UGT1A10: variants seen among roughly 807,000 people sequenced by gnomAD.
UGT1A10 encodes UDP-glucuronosyltransferase 1A10.
In UGT1A10, 49 loss-of-function variants were observed where a neutral mutation model predicts 45.8. That is an observed-to-expected ratio of 1.07 (90% confidence interval 0.85 to 1.36). UGT1A10 has a LOEUF of 1.36. UGT1A10 is among the 40% of genes most tolerant of loss of function. The pLI is 0.00. For missense variants in UGT1A10, 745 were observed against 668.6 expected (o/e 1.11, Z -1.26); for synonymous variants, 284 against 249.7 (o/e 1.14, Z -1.29).
intron 1 of UGT1A10, among the ~76,000 whole-genome samples, chr2:233,697,134 A>G (rs537171274): frequency 4.9e-4 from 74 of 151,982 alleles, no homozygotes; most frequent in Non-Finnish European, 9.4e-4. Context: ...ATTTTTCTGT[A>G]ATAGTTTGAG....
chr2:233,744,024 G>A lies in UGT1A10; in HGVS notation c.856-23010G>A, dbSNP rs532921168. The A allele has an allele frequency of 1.8e-4, 170 of 951,358 alleles. 2 individuals carry two copies. The highest frequency in any genetic ancestry group is 2.3e-4 in the Non-Finnish European group (161 of 710,466). 58.9% of individuals were successfully genotyped at this position (951,358 alleles called of 1,614,324 possible). Reference sequence around the variant, plus strand: ...GGAGACCTGGGCCGCCTGGAGAGACGCCCCTTATGACGCAGCCACATCTCA... The same window carrying A: ...GGAGACCTGGGCCGCCTGGAGAGACACCCCTTATGACGCAGCCACATCTCA... On this transcript the variant is annotated intron_variant, in intron 1 of 4. Coordinates refer to ENST00000344644, the MANE Select transcript of UGT1A10 (RefSeq NM_019075.4).
intron 1 of UGT1A10, among the ~76,000 whole-genome samples, chr2:233,700,609 TG>T (rs34100835): frequency 2.6e-5 from 4 of 152,150 alleles, no homozygotes; most frequent in Non-Finnish European, 5.9e-5. Context: ...ACTCTTTTTT[TG>T]GGGGGGTTCC....
intron 1 of UGT1A10, among the ~76,000 whole-genome samples, chr2:233,763,435 T>G (rs1698313873): frequency 6.6e-6 from 1 of 152,248 alleles, no homozygotes; most frequent in African/African-American, 2.4e-5. Flanking sequence ...GTTGCTTTAA[T>G]AAGTGCATTT....
At chr2:233,674,932 C>T (rs2074301947) in intron 1 of UGT1A10, among the ~76,000 whole-genome samples, 1 of 152,154 alleles carries the variant, frequency 6.6e-6, no homozygotes, top group Non-Finnish European at 1.5e-5. Context: ...CTGGGAAAAG[C>T]ATGCAGTTGG....
At chr2:233,679,491 C>T (rs1429641613) in intron 1 of UGT1A10, among the ~76,000 whole-genome samples, 1 of 152,174 alleles carries the variant, frequency 6.6e-6, no homozygotes, top group Non-Finnish European at 1.5e-5. Context: ...CCCTTCCTGC[C>T]TTACATTCTG....
chr2:233,729,145 G>A (rs564123639), intron 1 of UGT1A10: 2 of 1,613,490 alleles, frequency 1.2e-6, no homozygotes, highest in African/African-American at 1.3e-5. Flanking sequence ...AGGACTCCAG[G>A]TTCCCCTGCC....
chr2:233,711,262 C>T lies in UGT1A10; in HGVS notation c.856-55772C>T, dbSNP rs1462480492. 2.6e-5 allele frequency among the ~76,000 whole-genome samples: 4 copies of T among 152,312 alleles called. No individual in the cohort carries two copies. The East Asian group carries it at 7.7e-4, about 29-fold the overall frequency. On this transcript the variant is annotated intron_variant, in intron 1 of 4. Coordinates refer to ENST00000344644, the MANE Select transcript of UGT1A10 (RefSeq NM_019075.4). ...CCATCTTCCAAGATACATGGGCCTC[C>T]CCAGGGTCTAGGAGTCCTAGACGTG... is the stretch of plus-strand genomic sequence containing the variant.
chr2:233,718,869 C>T (rs1369983099), intron 1 of UGT1A10: 2 of 1,613,908 alleles, frequency 1.2e-6, no homozygotes, highest in Non-Finnish European at 1.7e-6. Flanking sequence ...CACAGGACTG[C>T]TGCTCCTCCT....
chr2:233,729,554 C>G, intron 1 of UGT1A10: 1 of 1,614,178 alleles, frequency 6.2e-7, no homozygotes, highest in Non-Finnish European at 8.5e-7. Flanking sequence ...CACCTGAATG[C>G]TACTTCCTTT....
chr2:233,672,003 C>T lies in UGT1A10; in HGVS notation c.855+34626C>T, dbSNP rs138685396. The stretch of plus-strand genomic sequence containing the variant: ...GTCTGCTGCTGACCTGTGGCTTTGC[C>T]GAGGCAGGGAAGCTACTGGTAGTGC... On this transcript the variant is annotated intron_variant, in intron 1 of 4. Transcript: ENST00000344644. 2.4e-5 allele frequency: 39 copies of T among 1,614,064 alleles called. 1 individual carries two copies. Among genetic ancestry groups the T allele is most frequent in the South Asian group, 1.6e-4 (15 of 91,070 alleles).
intron 1 of UGT1A10, among the ~76,000 whole-genome samples, chr2:233,748,877 G>T (rs1694052195): frequency 6.6e-6 from 1 of 151,560 alleles, no homozygotes; most frequent in Admixed American, 6.6e-5. Flanking sequence ...GGACGGTGAT[G>T]AATGGACATG....
At chr2:233,722,528 A>G (rs2077020073) in intron 1 of UGT1A10, among the ~76,000 whole-genome samples, 1 of 152,150 alleles carries the variant, frequency 6.6e-6, no homozygotes, top group African/African-American at 2.4e-5. Context: ...TTTTGCCTTA[A>G]TGATTTCATC....
intron 1 of UGT1A10, chr2:233,672,670 A>G (rs918629819): frequency 6.2e-7 from 1 of 1,613,922 alleles, no homozygotes; most frequent in Admixed American, 1.7e-5. Flanking sequence ...TGATCTCTAC[A>G]GCCACACATC....
At chr2:233,682,259 C>T (rs201200762) in intron 1 of UGT1A10, 3 of 1,614,054 alleles carry the variant, frequency 1.9e-6, no homozygotes, top group African/African-American at 1.3e-5. Context: ...TGCATTTTCT[C>T]TATTAACAAG....
Position 233,773,005 on chromosome 2 carries a change from C to A in UGT1A10, c.*446C>A. ...GTCAGTCCTCATCTCTGTCGTGCTT[C>A]ATAGGTGCCACCTTGTGTGTTTAAA... On this transcript the variant is annotated 3_prime_UTR_variant, in exon 5 of 5. Transcript: ENST00000344644. 4.6e-6 allele frequency: 1 copy of A among 219,060 alleles called. No individual in the cohort carries two copies. 13.6% of individuals were successfully genotyped at this position (219,060 alleles called of 1,614,324 possible).
intron 1 of UGT1A10, among the ~76,000 whole-genome samples, chr2:233,696,619 TTTC>T (rs2125568446): frequency 6.6e-6 from 1 of 152,346 alleles, no homozygotes; most frequent in African/African-American, 2.4e-5. Flanking sequence ...TCTTTCTTTC[TTTC>T]TCTTGCTTAA....
chr2:233,729,973 A>C, intron 1 of UGT1A10: 1 of 1,614,080 alleles, frequency 6.2e-7, no homozygotes, highest in East Asian at 2.2e-5. Context: ...CAACTGTGCC[A>C]ACAGGAAGCC....
intron 1 of UGT1A10, among the ~76,000 whole-genome samples, chr2:233,723,671 C>T (rs2077112906): frequency 1.0e-5 from 1 of 95,612 alleles, no homozygotes; most frequent in Non-Finnish European, 1.9e-5. Flanking sequence ...GGCAGAGGAC[C>T]CTGCGGCCTT....
rs1474978405 is a variant in UGT1A10, at chr2:233,736,640, C to A, written c.856-30394C>A. 3.3e-5 allele frequency among the ~76,000 whole-genome samples: 5 copies of A among 152,206 alleles called. No individual in the cohort carries two copies. In the South Asian group the frequency reaches 1.0e-3, roughly 32 times the overall value. ...TCAGCTTTTCTGCTCTAGTTTCCCC[C>A]CATCTTTGTGGTTTTATGTACCTTA... On this transcript the variant is annotated intron_variant, in intron 1 of 4. Coordinates refer to ENST00000344644, the MANE Select transcript of UGT1A10 (RefSeq NM_019075.4).
Sources: gnomAD v4.1 joint callset for allele counts (sites outside exome capture counted in the v4.1 genomes callset) on GRCh38, gnomAD v4.1.1 for gene constraint, MANE v1.5 for transcripts, NCBI Gene and HGNC (gene_info 2026-07-23, HGNC 2026-07-21) for gene names.